RBPMS: variants seen among roughly 807,000 people sequenced by gnomAD.
RBPMS encodes the protein RNA binding protein, mRNA processing factor, also known as RNA-binding protein with multiple splicing.
Under a neutral mutation model 26.8 loss-of-function variants are expected in RBPMS, and 7 were observed. The observed-to-expected ratio is 0.26, with a 90% CI of 0.15 to 0.49. RBPMS has a LOEUF of 0.49. RBPMS is among the 20% of genes least tolerant of loss of function. The pLI is 0.98. For synonymous variants in RBPMS, 96 were observed against 93.3 expected (o/e 1.03, Z -0.17); for missense variants, 186 against 250.0 (o/e 0.74, Z 1.73).
At chr8:30,453,088 A>G (rs1233121393) in intron 1 of RBPMS, among the ~76,000 whole-genome samples, 2 of 152,180 alleles carry the variant, frequency 1.3e-5, no homozygotes, top group Non-Finnish European at 2.9e-5. Context: ...GGCTGCCTAT[A>G]TCCGCATCAT....
intron 2 of RBPMS, among the ~76,000 whole-genome samples, chr8:30,476,847 G>A (rs1563355845): frequency 6.6e-6 from 1 of 152,156 alleles, no homozygotes. Flanking sequence ...GGGGTGAAGA[G>A]AGGGAGTGAA....
At chr8:30,385,305 G>A (rs1806895818) in intron 1 of RBPMS, 147 bp downstream of exon 1, 9 of 494,864 alleles carry the variant, frequency 1.8e-5, no homozygotes, top group Non-Finnish European at 3.0e-5. Context: ...CCCGGGGAGG[G>A]TGGATCTCGG....
intron 5 of RBPMS, among the ~76,000 whole-genome samples, chr8:30,519,454 CTCTCT>C (rs1822769824): frequency 8.1e-6 from 1 of 123,480 alleles, no homozygotes; most frequent in African/African-American, 3.3e-5. Flanking sequence ...GGGAGGATCT[CTCTCT>C]TTTTTTTTTT....
chr8:30,462,569 C>T (rs537660796), intron 1 of RBPMS, among the ~76,000 whole-genome samples: 1 of 152,090 alleles, frequency 6.6e-6, no homozygotes, highest in South Asian at 2.1e-4. Flanking sequence ...TATAGGCCTC[C>T]ACCACCACGC....
chr8:30,449,757 G>A (rs1430521308), intron 1 of RBPMS, among the ~76,000 whole-genome samples: 2 of 152,236 alleles, frequency 1.3e-5, no homozygotes, highest in African/African-American at 4.8e-5. Flanking sequence ...GTGATTCACT[G>A]GAGGTGCATT....
intron 1 of RBPMS, chr8:30,446,967 G>A (rs1813938156): frequency 6.6e-6 from 1 of 152,032 alleles, no homozygotes; most frequent in Admixed American, 6.6e-5. Context: ...ATGATCTAAG[G>A]TGGGTGCTCT....
At chr8:30,561,681 C>T (rs1457859858) in intron 7 of RBPMS, among the ~76,000 whole-genome samples, 1 of 152,116 alleles carries the variant, frequency 6.6e-6, no homozygotes. Flanking sequence ...AAGCAGGGTG[C>T]GCCGGCCACT....
chr8:30,447,114 A>G (rs955322841), intron 1 of RBPMS: 3 of 152,158 alleles, frequency 2.0e-5, no homozygotes, highest in Admixed American at 6.5e-5. Context: ...TTCTGTCCAC[A>G]CCATAGGCCA....
At chr8:30,465,456 A>G (rs1816390327) in intron 1 of RBPMS, among the ~76,000 whole-genome samples, 1 of 152,216 alleles carries the variant, frequency 6.6e-6, no homozygotes, top group Non-Finnish European at 1.5e-5. Flanking sequence ...TATATGGCAG[A>G]CATGAGGAAT....
In RBPMS at chr8:30,385,112, C is replaced by A. The variant is rs1806853839; in HGVS notation, c.20C>A (p.Ala7Asp). 6.5e-7 allele frequency: 1 copy of A among 1,526,838 alleles called. No homozygotes were observed. Among genetic ancestry groups the A allele is most frequent in the Non-Finnish European group, 8.8e-7 (1 of 1,138,612 alleles). 94.6% of individuals were successfully genotyped at this position (1,526,838 alleles called of 1,614,324 possible). Reference protein sequence around the residue: MNNGGKAEKENTPSEAN... With the variant: MNNGGKDEKENTPSEAN... The stretch of plus-strand genomic sequence containing the variant: ...GGGAAGATGAACAACGGCGGCAAAG[C>A]CGAGAAGGAGAACACCCCGAGCGAG... Residue 7 changes from alanine (A) to aspartate (D), a missense_variant, in exon 1 of 9, where the codon GCC (alanine) becomes GAC (aspartate). Ala to Asp is a moderately radical substitution (Grantham distance 126). Transcript: ENST00000397323.
At chr8:30,556,413 C>G (rs1826920508) in intron 6 of RBPMS, 2 of 985,770 alleles carry the variant, frequency 2.0e-6, no homozygotes, top group Admixed American at 6.1e-5. Flanking sequence ...GAGAGCTGGT[C>G]AGAGAGGCTG....
intron 1 of RBPMS, among the ~76,000 whole-genome samples, chr8:30,455,627 C>T (rs879542373): frequency 3.3e-5 from 5 of 152,084 alleles, no homozygotes; most frequent in Non-Finnish European, 5.9e-5. Flanking sequence ...TGGGAGCTCA[C>T]GCCTGTAATC....
intron 7 of RBPMS, chr8:30,565,094 T>C (rs1275964197): frequency 2.0e-5 from 3 of 152,140 alleles, no homozygotes; most frequent in East Asian, 3.9e-4. Flanking sequence ...GGTGAGCTGA[T>C]TGATAGGTTT....
intron 1 of RBPMS, among the ~76,000 whole-genome samples, chr8:30,390,449 C>T (rs1213776758): frequency 1.3e-5 from 2 of 152,202 alleles, no homozygotes; most frequent in Non-Finnish European, 2.9e-5. Context: ...CCCTCCAATG[C>T]CCCGAATCCT....
intron 1 of RBPMS, among the ~76,000 whole-genome samples, chr8:30,413,898 G>A (rs1033098598): frequency 7.2e-5 from 11 of 152,090 alleles, no homozygotes; most frequent in South Asian, 2.1e-4. Flanking sequence ...GGCGTGAGCC[G>A]CATCCAGCTA....
At chr8:30,455,947 T>C (rs1226569440) in intron 1 of RBPMS, among the ~76,000 whole-genome samples, 1 of 152,044 alleles carries the variant, frequency 6.6e-6, no homozygotes, top group Non-Finnish European at 1.5e-5. Flanking sequence ...GAATAAGCAA[T>C]GTGTGGTATT....
chr8:30,514,680 C>CTTTTT (rs577244764), intron 5 of RBPMS, among the ~76,000 whole-genome samples: 5,186 of 81,954 alleles, frequency 0.063, 850 homozygotes, highest in African/African-American at 0.15. Context: ...CCATGCCGGG[C>CTTTTT]TTTTTTTTTT....
intron 4 of RBPMS, among the ~76,000 whole-genome samples, chr8:30,487,231 C>T (rs1349625700): frequency 1.4e-5 from 2 of 142,968 alleles, no homozygotes; most frequent in Non-Finnish European, 3.1e-5. Context: ...TCACTGTCTT[C>T]TTTGTTCTCT....
At chr8:30,570,247 A>G (rs1381498506) in intron 8 of RBPMS, among the ~76,000 whole-genome samples, 15 of 152,180 alleles carry the variant, frequency 9.9e-5, no homozygotes, top group Admixed American at 8.5e-4. Flanking sequence ...GCACACAAAT[A>G]AGCATCTCCC....
Sources: gnomAD v4.1 joint callset for allele counts (sites outside exome capture counted in the v4.1 genomes callset) on GRCh38, gnomAD v4.1.1 for gene constraint, MANE v1.5 for transcripts, NCBI Gene and HGNC (gene_info 2026-07-23, HGNC 2026-07-21) for gene names.